Variants in HEATR1 observed in about 807,000 individuals in gnomAD.
HEATR1 encodes the protein HEAT repeat containing 1.
In HEATR1, 77 loss-of-function variants were observed where a neutral mutation model predicts 248.2. The ratio of observed to expected loss-of-function variants is 0.31; its 90% CI spans 0.26 to 0.37. The LOEUF (loss-of-function observed/expected upper bound fraction) is 0.37, where lower values mean the gene tolerates loss of function less well. Among genes scored for constraint, HEATR1 ranks in the 10% least tolerant of loss-of-function variants. The probability of loss-of-function intolerance (pLI) is 1.00; values close to 1 mark genes in which losing one functional copy is unlikely to be tolerated. For synonymous variants in HEATR1, 897 were observed against 923.1 expected, an observed-to-expected ratio of 0.97 and a Z score of 0.51; for missense variants, 2,420 against 2,504.9, an observed-to-expected ratio of 0.97 and a Z score of 0.72.
chr1:236,556,063 C>T (rs756876310), intron 38 of HEATR1, 37 bp downstream of exon 38: 5 of 1,613,072 alleles, frequency 3.1e-6, no homozygotes, highest in East Asian at 2.2e-5. Context: ...TACCACCTCT[C>T]CCTTCTCCAA....
rs764943663 is a variant in HEATR1, at chr1:236,576,829, A to C, written c.2876T>G (p.Leu959Trp). ...AGTGATCTCCTCTGCTTTAGAAATC[A>C]AATGATCTATTATCAGATAAAACGG... is the stretch of plus-strand genomic sequence containing the variant. ...ASPFYLIIDH[L>W]ISKAEEITSD... is the part of the protein sequence containing the mutation. The change falls in exon 21 of 45, where the codon TTG (leucine) becomes TGG (tryptophan). Residue 959 changes from leucine to tryptophan, a missense_variant. Transcript: ENST00000366582. 1.9e-6 allele frequency: 3 copies of C among 1,614,064 alleles called. No individual in the cohort carries two copies. The East Asian group carries it at 6.7e-5, about 36-fold the overall frequency.
At position 236,595,596 on chromosome 1, in the gene HEATR1, G is replaced by T; in HGVS notation, c.1034C>A (p.Pro345His). ...ATGGGGAAGCATGTAATGCAGAAGA[G>T]GACTGACATCGTAAGTTTCAGAAAT... ...HGISETYDVS[P>H]LLHYMLPHLV... is the part of the protein sequence containing the mutation. Residue 345 changes from proline (P) to histidine (H), a missense_variant, in exon 8 of 45, where the codon CCT becomes CAT. Coordinates refer to ENST00000366582, the MANE Select transcript of HEATR1 (RefSeq NM_018072.6). 1 of 1,608,410 alleles carries T rather than the reference G, an allele frequency of 6.2e-7. No individual in the cohort carries two copies. Among genetic ancestry groups the T allele is most frequent in the Non-Finnish European group, 8.5e-7 (1 of 1,174,800 alleles).
At chr1:236,586,801 C>A (rs1333019713) in intron 14 of HEATR1, among the ~76,000 whole-genome samples, 1 of 151,810 alleles carries the variant, frequency 6.6e-6, no homozygotes, top group Non-Finnish European at 1.5e-5. Context: ...AGACATATCA[C>A]ACTAGATGTC....
At chr1:236,564,442 A>C (rs1186709709) in intron 32 of HEATR1, 56 bp downstream of exon 32, 59 of 1,500,636 alleles carry the variant, frequency 3.9e-5, no homozygotes, top group Non-Finnish European at 5.2e-5. Context: ...GGTTGAGAAC[A>C]GTTCCTTGGA....
rs1663925737 is a variant in HEATR1, at chr1:236,587,469, A to G, written c.1648T>C (p.Ser550Pro). 4 of 1,527,500 alleles carry G rather than the reference A, an allele frequency of 2.6e-6. No homozygotes were observed. Among genetic ancestry groups the G allele is most frequent in the Admixed American group, 1.9e-5 (1 of 52,224 alleles). 94.6% of individuals were successfully genotyped at this position (1,527,500 alleles called of 1,614,324 possible). A position where few individuals can be genotyped will look rare whatever the true frequency, so the allele number is the denominator to read the frequency against. ...AFEIFKEHFSSEVTISNLLNL... is the reference protein window; with the variant it reads ...AFEIFKEHFSPEVTISNLLNL... ...AGAAGATTTGAAATCGTCACTTCTG[A>G]ACTGAAGTGTTCTTTGAAAATCTAA... is the stretch of plus-strand genomic sequence containing the variant. Residue 550 changes from serine to proline, a missense_variant, in exon 14 of 45, where the codon TCA (serine) becomes CCA (proline). Ser to Pro is a moderately conservative substitution (Grantham distance 74). Coordinates refer to ENST00000366582, the MANE Select transcript of HEATR1 (RefSeq NM_018072.6).
intron 20 of HEATR1, among the ~76,000 whole-genome samples, chr1:236,577,851 C>G (rs1468325160): frequency 6.6e-6 from 1 of 152,088 alleles, no homozygotes; most frequent in Non-Finnish European, 1.5e-5. Context: ...CGGTACCTTA[C>G]TGGTAAAGTT....
Position 236,558,922 on chromosome 1 carries a change from T to C in HEATR1, c.4911+73A>G, listed in dbSNP as rs562904033. 2.1e-4 allele frequency: 267 copies of C among 1,285,550 alleles called. 1 individual carries two copies. In the African/African-American group the frequency reaches 3.3e-3, roughly 16 times the overall value. The allele number at this position is 1,285,550 out of a possible 1,614,324, so 79.6% of individuals were successfully genotyped here. On this transcript the variant is annotated intron_variant, in intron 35 of 44. Transcript: ENST00000366582. ...ATTTGAAATTGTACCACTAGAGAAA[T>C]TGAAGGGAGTTAAATGCAGCTCTTT...
Position 236,550,863 on chromosome 1 carries a change from T to C in HEATR1, c.*39A>G. On this transcript the variant is annotated 3_prime_UTR_variant, in exon 45 of 45. Transcript: ENST00000366582. ...CAAAAATAAAAATATGAAATATGAGTGTGAACTCTGAGTAGAGTATGAAAC... is the reference window on the plus strand; with the variant it reads ...CAAAAATAAAAATATGAAATATGAGCGTGAACTCTGAGTAGAGTATGAAAC... 6.8e-7 allele frequency: 1 copy of C among 1,466,398 alleles called. No individual in the cohort carries two copies. Among genetic ancestry groups the C allele is most frequent in the Non-Finnish European group, 9.3e-7 (1 of 1,075,430 alleles). The allele number at this position is 1,466,398 out of a possible 1,614,324, so 90.8% of individuals were successfully genotyped here.
chr1:236,556,070 C>T, intron 38 of HEATR1, 30 bp downstream of exon 38: 1 of 1,613,702 alleles, frequency 6.2e-7, no homozygotes, highest in South Asian at 1.1e-5. Flanking sequence ...TCTCCCTTCT[C>T]CAAAGTCTTA....
At chr1:236,563,017 C>CA (rs531369858) in intron 32 of HEATR1, among the ~76,000 whole-genome samples, 1 of 152,218 alleles carries the variant, frequency 6.6e-6, no homozygotes, top group Non-Finnish European at 1.5e-5. Context: ...ATAGTGTCTA[C>CA]ACTGATCTCT....
chr1:236,594,410 A>G (rs1210335077), intron 8 of HEATR1, among the ~76,000 whole-genome samples: 2 of 152,224 alleles, frequency 1.3e-5, no homozygotes, highest in Non-Finnish European at 2.9e-5. Context: ...CCCAGGTCAC[A>G]TTACAAATTA....
rs1381555610 is a variant in HEATR1 at position 236,564,473 on chromosome 1, T to C, written c.4599+25A>G. ...TTGGAGACAGCAGAATACCTTTTTA[T>C]AAACACATTTAAAGAACACATTACC... is the stretch of plus-strand genomic sequence containing the variant. On this transcript the variant is annotated intron_variant, in intron 32 of 44. Coordinates refer to ENST00000366582, the MANE Select transcript of HEATR1 (RefSeq NM_018072.6). The C allele has an allele frequency of 7.5e-6, 12 of 1,604,800 alleles. No homozygotes were observed. The African/African-American group carries it at 1.6e-4, about 22-fold the overall frequency.
In HEATR1 at chr1:236,576,270, T is replaced by C; in HGVS notation, c.3033A>G (p.Pro1011=). Reference sequence around the variant, plus strand: ...TCATCAAATCTTTTGCTATATAAGATGGGCAACTATACACACAACTAAGTA... The same window carrying C: ...TCATCAAATCTTTTGCTATATAAGACGGGCAACTATACACACAACTAAGTA... The part of the protein sequence containing the change: ...KNLLSCVYSC[P]SYIAKDLMKV... The change falls in exon 22 of 45, where the codon CCA becomes CCG. Residue 1011 remains proline, a synonymous_variant. Coordinates refer to ENST00000366582, the MANE Select transcript of HEATR1 (RefSeq NM_018072.6). 1 of 1,609,592 alleles carries C rather than the reference T, an allele frequency of 6.2e-7. No homozygotes were observed. The highest frequency in any genetic ancestry group is 1.3e-5 in the African/African-American group (1 of 74,812).
At chr1:236,568,541 G>C (rs566875915) in intron 29 of HEATR1, among the ~76,000 whole-genome samples, 84 of 152,254 alleles carry the variant, frequency 5.5e-4, no homozygotes, top group Non-Finnish European at 1.0e-3. Context: ...CTCTCTCTCT[G>C]AGTTTAGCTC....
Position 236,550,917 on chromosome 1 carries a change from G to C in HEATR1, c.6420C>G (p.Leu2140=), listed in dbSNP as rs779462252. The change falls in exon 45 of 45, where the codon CTC becomes CTG. Residue 2140 remains leucine, a synonymous_variant. Transcript: ENST00000366582. ...QQLETVLGEP[L]QSYF ...ACAGAAAGTCTTAGAAATAGCTCTG[G>C]AGTGGCTCTCCCAGGACAGTTTCCA... 1.2e-6 allele frequency: 2 copies of C among 1,606,136 alleles called. No homozygotes were observed. Among genetic ancestry groups the C allele is most frequent in the Non-Finnish European group, 1.7e-6 (2 of 1,177,176 alleles).
chr1:236,570,478 G>A (rs961098594), intron 28 of HEATR1, among the ~76,000 whole-genome samples: 4 of 152,090 alleles, frequency 2.6e-5, no homozygotes, highest in Non-Finnish European at 5.9e-5. Context: ...TGGTGGTGAC[G>A]GTGGCAGCGG....
At position 236,550,829 on chromosome 1, in the gene HEATR1, C is replaced by G. The variant is rs1305117589; in HGVS notation, c.*73G>C. 2.6e-5 allele frequency: 31 copies of G among 1,183,926 alleles called. No individual in the cohort carries two copies. Among genetic ancestry groups the G allele is most frequent in the Non-Finnish European group, 3.6e-5 (30 of 828,240 alleles). 73.3% of individuals were successfully genotyped at this position (1,183,926 alleles called of 1,614,324 possible). ...TTAAGGCACCAAAAGTAACATGGCA[C>G]CCAACACCCAAAAATAAAAATATGA... is the stretch of plus-strand genomic sequence containing the variant. On this transcript the variant is annotated 3_prime_UTR_variant, in exon 45 of 45. Coordinates refer to ENST00000366582, the MANE Select transcript of HEATR1 (RefSeq NM_018072.6).
At chr1:236,595,759 TTA>T in intron 7 of HEATR1, 72 bp downstream of exon 7, 7 of 1,502,534 alleles carry the variant, frequency 4.7e-6, no homozygotes, top group Non-Finnish European at 6.4e-6. Flanking sequence ...ATCACTTATC[TTA>T]CAAAAAAAAA....
chr1:236,580,543 G>C (rs1663693894), intron 20 of HEATR1, among the ~76,000 whole-genome samples: 1 of 138,676 alleles, frequency 7.2e-6, no homozygotes, highest in South Asian at 2.2e-4. Context: ...TTGAGACAGG[G>C]TCTTGCTCTG....
Sources: allele counts gnomAD v4.1 joint callset (sites outside exome capture counted in the v4.1 genomes callset), GRCh38; gene constraint gnomAD v4.1.1; transcripts MANE v1.5; gene names NCBI Gene and HGNC (gene_info 2026-07-23, HGNC 2026-07-21).